The following ABCC4 variants were observed in gnomAD, a reference collection of about 807,000 sequenced individuals.
ABCC4 encodes the protein ATP-binding cassette sub-family C member 4.
ABCC4 carries 102 observed loss-of-function variants against 168.5 expected under a neutral mutation model. The ratio of observed to expected loss-of-function variants is 0.61; its 90% CI spans 0.52 to 0.71. The LOEUF is 0.71. Ranked by LOEUF, ABCC4 falls within the 30% of genes least tolerant of loss-of-function variation. The pLI, the probability that ABCC4 is intolerant of heterozygous loss-of-function variation, is 0.00. For synonymous variants in ABCC4, 617 were observed against 590.7 expected, an observed-to-expected ratio of 1.04 and a Z score of -0.65; for missense variants, 1,402 against 1,605.8, an observed-to-expected ratio of 0.87 and a Z score of 2.17.
At chr13:95,075,303 T>C in intron 22 of ABCC4, 129 bp downstream of exon 22, 2 of 1,225,164 alleles carry the variant, frequency 1.6e-6, no homozygotes, top group South Asian at 1.4e-5. Context: ...GAGACGAAGA[T>C]GCGCAAAAAA....
chr13:95,202,940 G>A (rs576109040), intron 8 of ABCC4, among the ~76,000 whole-genome samples: 3 of 152,274 alleles, frequency 2.0e-5, no homozygotes, highest in East Asian at 1.9e-4. Context: ...GATTACAGAC[G>A]TGAGCCATCG....
At chr13:95,049,336 A>AT (rs61178570) in intron 27 of ABCC4, among the ~76,000 whole-genome samples, 24,139 of 151,094 alleles carry the variant, frequency 0.16, 2,218 homozygotes, top group African/African-American at 0.25. Context: ...TCTGTCTAAA[A>AT]AAATAAATAA....
chr13:95,231,311 T>C (rs571882921), intron 4 of ABCC4, among the ~76,000 whole-genome samples: 1 of 152,256 alleles, frequency 6.6e-6, no homozygotes, highest in Admixed American at 6.5e-5. Flanking sequence ...TTTATTACAA[T>C]AAGAAGAAAA....
At chr13:95,193,137 G>C (rs948794583) in intron 9 of ABCC4, among the ~76,000 whole-genome samples, 71 of 150,556 alleles carry the variant, frequency 4.7e-4, no homozygotes, top group African/African-American at 1.6e-3. Flanking sequence ...AGGGCATGTA[G>C]AGAAAGGAAG....
intron 20 of ABCC4, among the ~76,000 whole-genome samples, chr13:95,088,761 AAAAGT>A (rs2034337503): frequency 6.6e-6 from 1 of 152,136 alleles, no homozygotes; most frequent in South Asian, 2.1e-4. Context: ...AAGACAGGTT[AAAAGT>A]AAAGGATCTA....
At chr13:95,259,517 C>G (rs998673650) in intron 1 of ABCC4, among the ~76,000 whole-genome samples, 4 of 152,184 alleles carry the variant, frequency 2.6e-5, no homozygotes, top group African/African-American at 9.7e-5. Context: ...TGGTTAACAG[C>G]ATCCCTGAAC....
intron 1 of ABCC4, among the ~76,000 whole-genome samples, chr13:95,281,126 A>G (rs2041111999): frequency 6.6e-6 from 1 of 151,786 alleles, no homozygotes; most frequent in Non-Finnish European, 1.5e-5. Context: ...CTGTGGCAAC[A>G]TGGTGAAACC....
chr13:95,046,048 A>T (rs1215963248), intron 27 of ABCC4, among the ~76,000 whole-genome samples: 1 of 152,148 alleles, frequency 6.6e-6, no homozygotes. Context: ...TTACCCTGAA[A>T]ATTATAGGAT....
At chr13:95,264,669 T>C (rs964059019) in intron 1 of ABCC4, among the ~76,000 whole-genome samples, 1 of 152,132 alleles carries the variant, frequency 6.6e-6, no homozygotes, top group Non-Finnish European at 1.5e-5. Flanking sequence ...GGCTGAAGGA[T>C]ACTAAAGAAA....
intron 25 of ABCC4, among the ~76,000 whole-genome samples, chr13:95,064,258 G>GTATATATA (rs2033422125): frequency 1.1e-4 from 1 of 8,978 alleles, no homozygotes; most frequent in Non-Finnish European, 1.8e-4. Flanking sequence ...GTGTGTGTGT[G>GTATATATA]TGTATATATA....
chr13:95,120,598 T>C (rs1757709609), intron 19 of ABCC4, among the ~76,000 whole-genome samples: 1 of 148,032 alleles, frequency 6.8e-6, no homozygotes, highest in Non-Finnish European at 1.5e-5. Flanking sequence ...AGAATTGGCC[T>C]TAGATATTCC....
At chr13:95,062,649 T>C (rs2033343680) in intron 26 of ABCC4, 55 bp downstream of exon 26, 3 of 1,477,618 alleles carry the variant, frequency 2.0e-6, no homozygotes, top group Non-Finnish European at 2.7e-6. Flanking sequence ...GTAAAAGCAA[T>C]TAAACATAGT....
At chr13:95,074,702 T>A (rs1189467) in intron 22 of ABCC4, among the ~76,000 whole-genome samples, 139,735 of 152,190 alleles carry the variant, frequency 0.92, 64,323 homozygotes, top group Non-Finnish European at 0.96. Context: ...GCAGCTCCCA[T>A]TTTACTTCTC....
intron 20 of ABCC4, among the ~76,000 whole-genome samples, chr13:95,095,046 GGAA>G (rs2034547917): frequency 6.6e-6 from 1 of 152,126 alleles, no homozygotes; most frequent in Non-Finnish European, 1.5e-5. Flanking sequence ...ACTGCTGGTG[GGAA>G]TGTAAACTAG....
chr13:95,127,435 C>T (rs2035819114), intron 19 of ABCC4, among the ~76,000 whole-genome samples: 1 of 152,094 alleles, frequency 6.6e-6, no homozygotes, highest in Admixed American at 6.6e-5. Flanking sequence ...TGTGTGCCAC[C>T]ATGCCCAGCT....
chr13:95,196,751 A>C (rs2038466863), intron 8 of ABCC4, among the ~76,000 whole-genome samples: 1 of 151,406 alleles, frequency 6.6e-6, no homozygotes, highest in Non-Finnish European at 1.5e-5. Context: ...GAGGGAAGGA[A>C]GGAAAGAAAG....
chr13:95,231,140 C>T (rs1189240098), intron 4 of ABCC4, among the ~76,000 whole-genome samples: 1 of 152,122 alleles, frequency 6.6e-6, no homozygotes, highest in Non-Finnish European at 1.5e-5. Context: ...GAGTGGACAC[C>T]AGTGCCTAAT....
At chr13:95,266,653 C>G (rs1317503) in intron 1 of ABCC4, among the ~76,000 whole-genome samples, 10,256 of 152,086 alleles carry the variant, frequency 0.067, 708 homozygotes, top group African/African-American at 0.18. Context: ...TCAGAGCCCT[C>G]GCACCAACAA....
intron 19 of ABCC4, 106 bp downstream of exon 19, chr13:95,161,064 TGAATCAACATGCATAGTGA>T (rs2037082849): frequency 4.4e-6 from 2 of 452,790 alleles, no homozygotes; most frequent in Non-Finnish European, 5.8e-6. Context: ...TTGTGGAAAA[TGAATCAACATGCATAGTGA>T]TTTTCTTCCC....
Sources: allele counts gnomAD v4.1 joint callset (sites outside exome capture counted in the v4.1 genomes callset), GRCh38; gene constraint gnomAD v4.1.1; transcripts MANE v1.5; gene names NCBI Gene and HGNC (gene_info 2026-07-23, HGNC 2026-07-21).